TERF2IP: variants seen among roughly 807,000 people sequenced by gnomAD.
TERF2IP encodes the protein telomeric repeat-binding factor 2-interacting protein 1.
In TERF2IP, 35 loss-of-function variants were observed where a neutral mutation model predicts 33.3. The ratio of observed to expected loss-of-function variants is 1.05; its 90% CI spans 0.80 to 1.39. The LOEUF is 1.39. TERF2IP is among the 40% of genes most tolerant of loss of function. The pLI is 0.00. For synonymous variants in TERF2IP, 253 were observed against 223.2 expected (o/e 1.13, Z -1.19); for missense variants, 583 against 524.8 (o/e 1.11, Z -1.08).
chr16:75,652,691 C>G (rs1422105890), intron 1 of TERF2IP, among the ~76,000 whole-genome samples: 1 of 151,958 alleles, frequency 6.6e-6, no homozygotes. Flanking sequence ...ATTTTAAAAA[C>G]TTTATTTTTT....
At chr16:75,649,166 T>C (rs542159044) in intron 1 of TERF2IP, among the ~76,000 whole-genome samples, 3 of 152,368 alleles carry the variant, frequency 2.0e-5, no homozygotes, top group East Asian at 3.9e-4. Context: ...CACACCCAGC[T>C]TCTTGGTCTA....
Position 75,648,058 on chromosome 16 carries a change from C to T in TERF2IP, c.176C>T (p.Pro59Leu). ...GGCACCGTGTGCCGAGTGCAGGAGCCCGGGGCCGTGCTGCTGGCCCAGCCC... is the reference window on the plus strand; with the variant it reads ...GGCACCGTGTGCCGAGTGCAGGAGCTCGGGGCCGTGCTGCTGGCCCAGCCC... ...GGGTVCRVQE[P>L]GAVLLAQPGE... Residue 59 changes from proline to leucine, a missense_variant, in exon 1 of 3, where the codon CCC becomes CTC. Transcript: ENST00000300086. 6.3e-7 allele frequency: 1 copy of T among 1,595,930 alleles called. No homozygotes were observed. The highest frequency in any genetic ancestry group is 8.5e-7 in the Non-Finnish European group (1 of 1,171,388).
rs2082385095 is a variant in TERF2IP, at chr16:75,656,299, TGAG to T, written c.894_896del (p.Glu304del). On this transcript the variant is annotated inframe_deletion, in exon 3 of 3. Transcript: ENST00000300086. Reference sequence around the variant, plus strand: ...AGGAAGACTCAGAAACACAGCCTGATGAGGAGGAAGAAGAAGAAGAAGAAAAAG... The same window carrying T: ...AGGAAGACTCAGAAACACAGCCTGATGAGGAAGAAGAAGAAGAAGAAAAAG... The T allele has an allele frequency of 2.5e-6, 4 of 1,614,028 alleles. No individual in the cohort carries two copies. The highest frequency in any genetic ancestry group is 1.3e-5 in the African/African-American group (1 of 74,982).
rs531898683 is a variant in TERF2IP, at chr16:75,648,377, A to G, written c.495A>G (p.Lys165=). 3 of 1,605,712 alleles carry G rather than the reference A, an allele frequency of 1.9e-6. No homozygotes were observed. The African/African-American group carries it at 4.0e-5, about 21-fold the overall frequency. The change falls in exon 1 of 3, where the codon AAA becomes AAG. Residue 165 remains lysine (K), a synonymous_variant. Coordinates refer to ENST00000300086, the MANE Select transcript of TERF2IP (RefSeq NM_018975.4). ...PSSVTGNALW[K]AMEKSSLTQH... Reference sequence around the variant, plus strand: ...CCGTCACCGGTAACGCCTTGTGGAAAGCGATGGAGAAGAGCTCGCTCACGC... The same window carrying G: ...CCGTCACCGGTAACGCCTTGTGGAAGGCGATGGAGAAGAGCTCGCTCACGC...
chr16:75,652,464 C>T (rs2082354564), intron 1 of TERF2IP, among the ~76,000 whole-genome samples: 1 of 152,148 alleles, frequency 6.6e-6, no homozygotes, highest in Non-Finnish European at 1.5e-5. Context: ...TGCATATACC[C>T]ATCACCCACC....
chr16:75,648,195 T>A lies in TERF2IP; in HGVS notation c.313T>A (p.Ser105Thr), dbSNP rs766087568. Reference protein sequence around the residue: ...ELEAYRLGPASAADTGSEAKP... With the variant: ...ELEAYRLGPATAADTGSEAKP... ...GGAGGCCTATCGGCTGGGCCCCGCC[T>A]CGGCGGCGGACACCGGCTCGGAAGC... The change falls in exon 1 of 3, where the codon TCG (serine) becomes ACG (threonine). Residue 105 changes from serine to threonine, a missense_variant. Physicochemically the swap from Ser to Thr is moderately conservative, Grantham distance 58. Coordinates refer to ENST00000300086, the MANE Select transcript of TERF2IP (RefSeq NM_018975.4). 7.1e-6 allele frequency: 11 copies of A among 1,549,258 alleles called. No individual in the cohort carries two copies. The highest frequency in any genetic ancestry group is 1.7e-6 in the Non-Finnish European group (2 of 1,149,496).
Position 75,654,264 on chromosome 16 carries a change from C to A in TERF2IP, c.671-9C>A. 1 of 1,603,994 alleles carries A rather than the reference C, an allele frequency of 6.2e-7. No homozygotes were observed. Among genetic ancestry groups the A allele is most frequent in the South Asian group, 1.1e-5 (1 of 90,786 alleles). On this transcript the variant is annotated splice_polypyrimidine_tract_variant and intron_variant, in intron 1 of 2. Transcript: ENST00000300086. Reference sequence around the variant, plus strand: ...TATTGCTAATCTGTGCTGTTCTTCTCTTTAACAGAACCACAGAATAAGAGA... The same window carrying A: ...TATTGCTAATCTGTGCTGTTCTTCTATTTAACAGAACCACAGAATAAGAGA...
rs753009529 is a variant in TERF2IP, at chr16:75,656,253, A to G, written c.842A>G (p.Asp281Gly). ...TTTGAAATACATATAACTATGTGTG[A>G]TGATGATCCACCCACACCTGAGGAA... ...PDFEIHITMC[D>G]DDPPTPEEDS... Residue 281 changes from aspartate to glycine, a missense_variant, in exon 3 of 3, where the codon GAT becomes GGT. Transcript: ENST00000300086. 3 of 1,614,014 alleles carry G rather than the reference A, an allele frequency of 1.9e-6. No individual in the cohort carries two copies. Among genetic ancestry groups the G allele is most frequent in the Admixed American group, 3.3e-5 (2 of 59,972 alleles).
Position 75,648,542 on chromosome 16 carries a change from G to C in TERF2IP, c.660G>C (p.Ala220=), listed in dbSNP as rs973205908. The C allele has an allele frequency of 3.9e-6, 6 of 1,557,090 alleles. No homozygotes were observed. Among genetic ancestry groups the C allele is most frequent in the Non-Finnish European group, 5.2e-6 (6 of 1,148,268 alleles). Reference sequence around the variant, plus strand: ...AGGCGGAGGAGGACCCGGAGGCCGCGGATAGCGGGGGTGAGGAGGCTGAGC... The same window carrying C: ...AGGCGGAGGAGGACCCGGAGGCCGCCGATAGCGGGGGTGAGGAGGCTGAGC... ...KRKAEEDPEA[A]DSGEPQNKRT... The change falls in exon 1 of 3, where the codon GCG becomes GCC. Residue 220 remains alanine (A), a synonymous_variant. Transcript: ENST00000300086.
rs183325553 is a variant in TERF2IP at position 75,656,166 on chromosome 16, C to G, written c.796-41C>G. 5,556 of 1,538,994 alleles carry G rather than the reference C, an allele frequency of 3.6e-3. 26 individuals carry two copies. Among genetic ancestry groups the G allele is most frequent in the Non-Finnish European group, 3.6e-3 (4,067 of 1,144,914 alleles). ...GACCAGATATTGTAAGAAATCAAGA[C>G]TTGGTGATTAGGAGCTGGTTTTACT... On this transcript the variant is annotated intron_variant, in intron 2 of 2. Transcript: ENST00000300086.
rs777339949 is a variant in TERF2IP at position 75,647,849 on chromosome 16, G to T, written c.-34G>T. The T allele has an allele frequency of 6.3e-6, 10 of 1,596,522 alleles. No homozygotes were observed. The highest frequency in any genetic ancestry group is 3.4e-5 in the Admixed American group (2 of 58,054). ...GCTCTGTGTGCCAGGCGCTCGCGAG[G>T]GGGTAGCTCTTCTAGTAGTGCTCGG... On this transcript the variant is annotated 5_prime_UTR_variant, in exon 1 of 3. Coordinates refer to ENST00000300086, the MANE Select transcript of TERF2IP (RefSeq NM_018975.4).
chr16:75,651,122 A>G (rs1364409327), intron 1 of TERF2IP, among the ~76,000 whole-genome samples: 1 of 152,196 alleles, frequency 6.6e-6, no homozygotes, highest in African/African-American at 2.4e-5. Flanking sequence ...AGCCAAAAAG[A>G]CAAAGAAAAA....
intron 1 of TERF2IP, among the ~76,000 whole-genome samples, chr16:75,650,693 AC>A (rs1322123178): frequency 6.6e-6 from 1 of 151,922 alleles, no homozygotes; most frequent in Non-Finnish European, 1.5e-5. Context: ...TCGTCACCAT[AC>A]CTAGCTAATT....
In TERF2IP at chr16:75,648,171, G is replaced by A. The variant is rs1321974807; in HGVS notation, c.289G>A (p.Glu97Lys). Residue 97 changes from glutamate to lysine, a missense_variant, in exon 1 of 3, where the codon GAG becomes AAG. Coordinates refer to ENST00000300086, the MANE Select transcript of TERF2IP (RefSeq NM_018975.4). ...CVERNERLEL[E>K]AYRLGPASAA... ...GGAGCGCAACGAGAGGCTGGAGCTG[G>A]AGGCCTATCGGCTGGGCCCCGCCTC... The A allele has an allele frequency of 6.4e-7, 1 of 1,564,700 alleles. No individual in the cohort carries two copies. The highest frequency in any genetic ancestry group is 2.3e-5 in the East Asian group (1 of 43,434).
At chr16:75,655,007 C>T (rs969596980) in intron 2 of TERF2IP, among the ~76,000 whole-genome samples, 6 of 150,086 alleles carry the variant, frequency 4.0e-5, no homozygotes, top group South Asian at 2.1e-4. Flanking sequence ...GGATTACAGG[C>T]GTGAGCCACC....
At position 75,656,567 on chromosome 16, in the gene TERF2IP, G is replaced by C; in HGVS notation, c.1156G>C (p.Gly386Arg). 6.2e-7 allele frequency: 1 copy of C among 1,612,914 alleles called. No individual in the cohort carries two copies. Among genetic ancestry groups the C allele is most frequent in the East Asian group, 2.2e-5 (1 of 44,874 alleles). The change falls in exon 3 of 3, where the codon GGT becomes CGT. Residue 386 changes from glycine to arginine, a missense_variant. Coordinates refer to ENST00000300086, the MANE Select transcript of TERF2IP (RefSeq NM_018975.4). Reference sequence around the variant, plus strand: ...CAGAGAGGCATTGGTCAAAAAATTTGGTGCTCAGAATGTAGCTCGGAGGAT... The same window carrying C: ...CAGAGAGGCATTGGTCAAAAAATTTCGTGCTCAGAATGTAGCTCGGAGGAT... Reference protein sequence around the residue: ...DTREALVKKFGAQNVARRIEF... With the variant: ...DTREALVKKFRAQNVARRIEF...
rs1405845054 is a variant in TERF2IP at position 75,648,380 on chromosome 16, G to C, written c.498G>C (p.Ala166=). 4 of 1,606,012 alleles carry C rather than the reference G, an allele frequency of 2.5e-6. No homozygotes were observed. The highest frequency in any genetic ancestry group is 2.2e-5 in the East Asian group (1 of 44,620). Residue 166 remains alanine, a synonymous_variant, in exon 1 of 3, where the codon GCG becomes GCC. Transcript: ENST00000300086. ...TCACCGGTAACGCCTTGTGGAAAGC[G>C]ATGGAGAAGAGCTCGCTCACGCAGC... The part of the protein sequence containing the change: ...SSVTGNALWK[A]MEKSSLTQHS...
intron 1 of TERF2IP, among the ~76,000 whole-genome samples, chr16:75,651,775 G>A (rs192751504): frequency 1.3e-5 from 2 of 152,292 alleles, no homozygotes; most frequent in Non-Finnish European, 2.9e-5. Context: ...TGAGACCTGT[G>A]AGATAATAAA....
chr16:75,648,963 G>C (rs1214520058), intron 1 of TERF2IP, among the ~76,000 whole-genome samples: 1 of 152,036 alleles, frequency 6.6e-6, no homozygotes, highest in Non-Finnish European at 1.5e-5. Flanking sequence ...CTGGGCTCAA[G>C]CGAATCTCCG....
Sources: gnomAD v4.1 joint callset for allele counts (sites outside exome capture counted in the v4.1 genomes callset) on GRCh38, gnomAD v4.1.1 for gene constraint, MANE v1.5 for transcripts, NCBI Gene and HGNC (gene_info 2026-07-23, HGNC 2026-07-21) for gene names.